Variants in ZNF527 observed in about 807,000 individuals in gnomAD.
ZNF527 encodes the protein zinc finger protein 527.
A neutral mutation model predicts 13.5 loss-of-function variants in ZNF527; 5 were observed. That is an observed-to-expected ratio of 0.37 (90% CI 0.19 to 0.78). The LOEUF (loss-of-function observed/expected upper bound fraction) is 0.78, where lower values mean the gene tolerates loss of function less well. Ranked by LOEUF, ZNF527 falls within the 30% of genes least tolerant of loss-of-function variation. The pLI is 0.48. For synonymous variants in ZNF527, 209 were observed against 243.1 expected, an observed-to-expected ratio of 0.86 and a Z score of 1.30; for missense variants, 628 against 726.4, an observed-to-expected ratio of 0.86 and a Z score of 1.56.
Position 37,379,265 on chromosome 19 carries a change from C to A in ZNF527, c.160+19C>A. On this transcript the variant is annotated intron_variant, in intron 3 of 4. Coordinates refer to ENST00000436120, the MANE Select transcript of ZNF527 (RefSeq NM_032453.2). Reference sequence around the variant, plus strand: ...TGGCTTGGTAAGGATGTTTCTCCCCCATAATTTAAAAATCTTCCTCTGGGG... The same window carrying A: ...TGGCTTGGTAAGGATGTTTCTCCCCAATAATTTAAAAATCTTCCTCTGGGG... 1 of 1,567,704 alleles carries A rather than the reference C, an allele frequency of 6.4e-7. No homozygotes were observed. The highest frequency in any genetic ancestry group is 8.6e-7 in the Non-Finnish European group (1 of 1,161,648).
chr19:37,387,588 C>A lies in ZNF527; in HGVS notation c.257-718C>A, dbSNP rs577060631. 2.0e-5 allele frequency among the ~76,000 whole-genome samples: 3 copies of A among 152,238 alleles called. No individual in the cohort carries two copies. In the South Asian group the frequency reaches 6.2e-4, roughly 32 times the overall value. The stretch of plus-strand genomic sequence containing the variant: ...AAAGGACTTTCTCATTTTTTGAGAT[C>A]ATCTTCTAAAAAATAGTTTTATTTC... On this transcript the variant is annotated intron_variant, in intron 4 of 4. Coordinates refer to ENST00000436120, the MANE Select transcript of ZNF527 (RefSeq NM_032453.2).
chr19:37,375,303 TTTCTTTC>T (rs2040594655), intron 2 of ZNF527, among the ~76,000 whole-genome samples: 1 of 104,556 alleles, frequency 9.6e-6, no homozygotes, highest in African/African-American at 4.8e-5. Flanking sequence ...TCTTTCTTTC[TTTCTTTC>T]TTTTCTTTCT....
In ZNF527 at chr19:37,389,532, G is replaced by A. The variant is rs373354146; in HGVS notation, c.1483G>A (p.Glu495Lys). 15 of 1,614,054 alleles carry A rather than the reference G, an allele frequency of 9.3e-6. No individual in the cohort carries two copies. The African/African-American group carries it at 1.9e-4, about 20-fold the overall frequency. Residue 495 changes from glutamate to lysine, a missense_variant, in exon 5 of 5, where the codon GAG (glutamate) becomes AAG (lysine). Coordinates refer to ENST00000436120, the MANE Select transcript of ZNF527 (RefSeq NM_032453.2). The stretch of plus-strand genomic sequence containing the variant: ...TCGACATCATAGAATTCACACTGGA[G>A]AGAGACCATTTGAATGCAGTAAATG... ...LNRHHRIHTG[E>K]RPFECSKCGK...
intron 4 of ZNF527, among the ~76,000 whole-genome samples, chr19:37,385,849 G>A (rs573829468): frequency 8.5e-5 from 13 of 152,092 alleles, no homozygotes; most frequent in African/African-American, 2.9e-4. Context: ...TCAACTCACT[G>A]CCTTCACCTC....
At chr19:37,375,259 TTTC>T (rs2040590391) in intron 2 of ZNF527, among the ~76,000 whole-genome samples, 2 of 114,728 alleles carry the variant, frequency 1.7e-5, no homozygotes, top group East Asian at 2.5e-4. Flanking sequence ...TCTTTCTTTC[TTTC>T]TTTCTTTCTT....
At position 37,389,882 on chromosome 19, in the gene ZNF527, A is replaced by T. The variant is rs748162386; in HGVS notation, c.*3A>T. ...TTCATAATAGAGAAACGCTCTGATT[A>T]TAACAAGTATAGGAAAGAAAACATG... On this transcript the variant is annotated 3_prime_UTR_variant, in exon 5 of 5. Transcript: ENST00000436120. 6.4e-7 allele frequency: 1 copy of T among 1,570,466 alleles called. No individual in the cohort carries two copies. Among genetic ancestry groups the T allele is most frequent in the East Asian group, 2.2e-5 (1 of 44,630 alleles).
chr19:37,386,517 A>G (rs6508719), intron 4 of ZNF527, among the ~76,000 whole-genome samples: 41,340 of 152,050 alleles, frequency 0.27, 7,064 homozygotes, highest in African/African-American at 0.47. Context: ...AGCCACATTT[A>G]GCTTTGAGTG....
chr19:37,380,084 C>G, intron 3 of ZNF527, 193 bp from the exon 4 acceptor site: 1 of 1,131,852 alleles, frequency 8.8e-7, no homozygotes, highest in South Asian at 2.0e-5. Context: ...TTGAGAACCA[C>G]TGTCACGGCA....
At chr19:37,374,532 G>A (rs145048238) in intron 2 of ZNF527, among the ~76,000 whole-genome samples, 1 of 152,322 alleles carries the variant, frequency 6.6e-6, no homozygotes, top group African/African-American at 2.4e-5. Flanking sequence ...GGGAGGTCAA[G>A]GATGGCCTCT....
rs139954931 is a variant in ZNF527, at chr19:37,388,710, G to A, written c.661G>A (p.Gly221Ser). 4 of 1,611,790 alleles carry A rather than the reference G, an allele frequency of 2.5e-6. No individual in the cohort carries two copies. In the South Asian group the frequency reaches 4.4e-5, roughly 18 times the overall value. Residue 221 changes from glycine (G) to serine (S), a missense_variant, in exon 5 of 5, where the codon GGT becomes AGT. Coordinates refer to ENST00000436120, the MANE Select transcript of ZNF527 (RefSeq NM_032453.2). ...CCATGCTGAGAAGGAATCTTTGATA[G>A]GTAATGAATGTGAAGAATTCAACCA... ...RLHAEKESLI[G>S]NECEEFNQST... is the part of the protein sequence containing the mutation.
In ZNF527 at chr19:37,390,893, T is replaced by A. The variant is rs1236549600; in HGVS notation, c.*1014T>A. ...TAATTATTTATCCTGAGGAGCAACCTTCTGATATAACAAGTTTATGAAAGT... is the reference window on the plus strand; with the variant it reads ...TAATTATTTATCCTGAGGAGCAACCATCTGATATAACAAGTTTATGAAAGT... On this transcript the variant is annotated 3_prime_UTR_variant, in exon 5 of 5. Coordinates refer to ENST00000436120, the MANE Select transcript of ZNF527 (RefSeq NM_032453.2). 6.6e-6 allele frequency: 1 copy of A among 152,228 alleles called. No individual in the cohort carries two copies. The highest frequency in any genetic ancestry group is 1.5e-5 in the Non-Finnish European group (1 of 68,032). The allele number at this position is 152,228 out of a possible 1,614,324, so 9.4% of individuals were successfully genotyped here.
At chr19:37,374,682 A>G (rs749277661) in intron 2 of ZNF527, among the ~76,000 whole-genome samples, 5 of 152,232 alleles carry the variant, frequency 3.3e-5, no homozygotes, top group African/African-American at 4.8e-5. Flanking sequence ...AGGAATAGCA[A>G]TGAGTCTGTC....
At chr19:37,382,518 T>C (rs1213518680) in intron 4 of ZNF527, among the ~76,000 whole-genome samples, 1 of 152,172 alleles carries the variant, frequency 6.6e-6, no homozygotes, top group Non-Finnish European at 1.5e-5. Flanking sequence ...TGAGAAAAAA[T>C]ATATTTACCT....
chr19:37,373,139 G>C (rs144281030), intron 1 of ZNF527, among the ~76,000 whole-genome samples: 122 of 152,252 alleles, frequency 8.0e-4, no homozygotes, highest in African/African-American at 2.5e-3. Context: ...TAGTTTTGTG[G>C]AGCAGTAGTA....
chr19:37,377,985 C>G (rs555417144), intron 2 of ZNF527, among the ~76,000 whole-genome samples: 1 of 151,966 alleles, frequency 6.6e-6, no homozygotes, highest in Non-Finnish European at 1.5e-5. Flanking sequence ...CACATTCAGC[C>G]ATAGCCATAA....
At chr19:37,383,686 G>A (rs1327864693) in intron 4 of ZNF527, among the ~76,000 whole-genome samples, 3 of 151,646 alleles carry the variant, frequency 2.0e-5, no homozygotes, top group East Asian at 2.0e-4. Context: ...CTACAGGTGC[G>A]TACCACCACA....
Position 37,388,803 on chromosome 19 carries a change from T to G in ZNF527, c.754T>G (p.Ser252Ala). Residue 252 changes from serine to alanine, a missense_variant, in exon 5 of 5, where the codon TCA (serine) becomes GCA (alanine). By Grantham distance (99) the Ser-to-Ala change is moderately conservative. Around this residue, in one of 3 missense-constraint regions of ZNF527, gnomAD observed 592 missense variants for 678.0 expected, o/e 0.87. Coordinates refer to ENST00000436120, the MANE Select transcript of ZNF527 (RefSeq NM_032453.2). ...GAAACCTTATGAAAGTCATGATTTT[T>G]CAAAGCTCTTAAGTTTCCACTCATT... ...GEKPYESHDF[S>A]KLLSFHSLFT... The G allele has an allele frequency of 6.2e-7, 1 of 1,612,762 alleles. No individual in the cohort carries two copies. Among genetic ancestry groups the G allele is most frequent in the Non-Finnish European group, 8.5e-7 (1 of 1,179,766 alleles).
intron 4 of ZNF527, among the ~76,000 whole-genome samples, chr19:37,382,660 G>C (rs534729812): frequency 6.6e-6 from 1 of 152,214 alleles, no homozygotes; most frequent in East Asian, 1.9e-4. Flanking sequence ...ATAGTGTCCA[G>C]TCAAAATACT....
chr19:37,389,579 T>C lies in ZNF527; in HGVS notation c.1530T>C (p.Ala510=). The change falls in exon 5 of 5, where the codon GCT becomes GCC. Residue 510 remains alanine, a synonymous_variant. Transcript: ENST00000436120. The part of the protein sequence containing the change: ...CSKCGKAFSD[A]LVLIHHKRSH... ...AATGTGGGAAAGCCTTCAGTGATGC[T>C]TTAGTTCTAATTCACCATAAGAGAA... The C allele has an allele frequency of 6.2e-7, 1 of 1,614,084 alleles. No individual in the cohort carries two copies. The highest frequency in any genetic ancestry group is 8.5e-7 in the Non-Finnish European group (1 of 1,180,026).
Sources: allele counts gnomAD v4.1 joint callset (sites outside exome capture counted in the v4.1 genomes callset), GRCh38; gene constraint gnomAD v4.1.1; regional missense constraint gnomAD v4.1.1; transcripts MANE v1.5; gene names NCBI Gene and HGNC (gene_info 2026-07-23, HGNC 2026-07-21).